The following NAA20 variants were observed in gnomAD, a reference collection of about 807,000 sequenced individuals.
NAA20 encodes the protein N-alpha-acetyltransferase 20.
A neutral mutation model predicts 23.8 loss-of-function variants in NAA20; 24 were observed. The ratio of observed to expected loss-of-function variants is 1.01; its 90% CI spans 0.73 to 1.42. The LOEUF is 1.42. Ranked by LOEUF, NAA20 falls within the 40% of genes most tolerant of loss-of-function variation. The probability of loss-of-function intolerance (pLI) is 0.00; values close to 1 mark genes in which losing one functional copy is unlikely to be tolerated. For synonymous variants in NAA20, 83 were observed against 77.7 expected (o/e 1.07, Z -0.36); for missense variants, 166 against 223.1 (o/e 0.74, Z 1.63).
At chr20:20,026,947 A>G in intron 4 of NAA20, 28 bp downstream of exon 4, 1 of 1,613,706 alleles carries the variant, frequency 6.2e-7, no homozygotes, top group Non-Finnish European at 8.5e-7. Context: ...AAATACACTT[A>G]GTGATTTGTG....
At chr20:20,028,819 A>G (rs1300440043) in intron 4 of NAA20, among the ~76,000 whole-genome samples, 4 of 152,220 alleles carry the variant, frequency 2.6e-5, no homozygotes, top group Non-Finnish European at 5.9e-5. Flanking sequence ...CAAAGAAGAG[A>G]AAAAGGAAAT....
intron 2 of NAA20, 50 bp downstream of exon 2, chr20:20,022,530 T>TA: frequency 6.9e-7 from 1 of 1,459,530 alleles, no homozygotes; most frequent in South Asian, 1.3e-5. Context: ...TTACTGAGAA[T>TA]AAAGAAAACA....
chr20:20,028,639 T>C (rs2043322430), intron 4 of NAA20, among the ~76,000 whole-genome samples: 1 of 152,192 alleles, frequency 6.6e-6, no homozygotes, highest in South Asian at 2.1e-4. Context: ...GTTGCTAAGA[T>C]TTAAGTAATC....
chr20:20,027,213 G>C (rs2043312505), intron 4 of NAA20, among the ~76,000 whole-genome samples: 1 of 152,206 alleles, frequency 6.6e-6, no homozygotes, highest in South Asian at 2.1e-4. Context: ...TCCTGCCACA[G>C]TGGCACACAT....
rs536822982 is a variant in NAA20, at chr20:20,030,359, A to ATTCCTAAAATCCAG, written c.306-2148_306-2147insTCCTAAAATCCAGT. 3.8e-3 allele frequency among the ~76,000 whole-genome samples: 581 copies of ATTCCTAAAATCCAG among 152,290 alleles called. 9 individuals are homozygous for ATTCCTAAAATCCAG. In the East Asian group the frequency reaches 0.05, roughly 13 times the overall value. ...AGTGCAGCAAACTTGATAAAATCCA[A>ATTCCTAAAATCCAG]TATTCCTTCCTGATAAAAACTGTTA... is the stretch of plus-strand genomic sequence containing the variant. On this transcript the variant is annotated intron_variant, in intron 4 of 5. Transcript: ENST00000334982.
intron 4 of NAA20, among the ~76,000 whole-genome samples, chr20:20,028,867 G>C (rs1187469977): frequency 2.0e-5 from 3 of 152,166 alleles, no homozygotes; most frequent in Non-Finnish European, 4.4e-5. Flanking sequence ...TAAAATGGTA[G>C]CCCAGAATCC....
At chr20:20,017,343 G>C (rs1457012153), upstream of NAA20, 11 of 1,605,682 alleles carry the variant, frequency 6.9e-6, no homozygotes, top group Non-Finnish European at 8.5e-7. Flanking sequence ...GGAGACTTCC[G>C]GCAGGGCGGG....
chr20:20,017,559 G>A, intron 1 of NAA20, 110 bp downstream of exon 1: 1 of 1,420,036 alleles, frequency 7.0e-7, no homozygotes, highest in Non-Finnish European at 9.3e-7. Context: ...GCCCGGACGG[G>A]GACCCGCGAG....
At chr20:20,029,581 C>T (rs1482511543) in intron 4 of NAA20, among the ~76,000 whole-genome samples, 1 of 148,394 alleles carries the variant, frequency 6.7e-6, no homozygotes, top group East Asian at 2.0e-4. Flanking sequence ...CACGCCATTG[C>T]ACTCCAGCCT....
At chr20:20,026,242 T>C (rs1028074424) in intron 3 of NAA20, among the ~76,000 whole-genome samples, 2 of 151,988 alleles carry the variant, frequency 1.3e-5, no homozygotes, top group Non-Finnish European at 2.9e-5. Context: ...GAGGCAGAAC[T>C]TGCAGTGGGC....
intron 1 of NAA20, among the ~76,000 whole-genome samples, chr20:20,019,481 G>T (rs931449091): frequency 3.3e-5 from 5 of 152,196 alleles, no homozygotes; most frequent in Admixed American, 2.6e-4. Context: ...ACATGGAAAT[G>T]AATAGAAAGA....
At chr20:20,025,466 T>C (rs910486645) in intron 2 of NAA20, among the ~76,000 whole-genome samples, 1 of 152,346 alleles carries the variant, frequency 6.6e-6, no homozygotes, top group East Asian at 1.9e-4. Flanking sequence ...GCTATCACCA[T>C]TCCACACTTG....
rs137885590 is a variant in NAA20, at chr20:20,027,128, CCG to C, written c.305+211_305+212del. 2.5e-3 allele frequency among the ~76,000 whole-genome samples: 377 copies of C among 152,206 alleles called. 1 individual carries two copies. The highest frequency in any genetic ancestry group is 8.0e-3 in the African/African-American group (333 of 41,518). On this transcript the variant is annotated intron_variant, in intron 4 of 5. Transcript: ENST00000334982. ...AATTAAGGCAAAGTGTTGTAGTGAC[CCG>C]CTATAGGCCTATAAGCTGAGGAATT... is the stretch of plus-strand genomic sequence containing the variant.
intron 2 of NAA20, 121 bp downstream of exon 2, chr20:20,022,601 C>T: frequency 1.3e-6 from 1 of 768,520 alleles, no homozygotes; most frequent in South Asian, 2.1e-5. Flanking sequence ...CAGGAAACAT[C>T]ATAAGCAACA....
chr20:20,023,666 G>A (rs1448952686), intron 2 of NAA20, among the ~76,000 whole-genome samples: 1 of 152,174 alleles, frequency 6.6e-6, no homozygotes, highest in Non-Finnish European at 1.5e-5. Context: ...CTGCTAACCG[G>A]TAATTTATCA....
At chr20:20,017,680 A>C in intron 1 of NAA20, 1 of 1,414,722 alleles carries the variant, frequency 7.1e-7, no homozygotes, top group Non-Finnish European at 9.2e-7. Context: ...CGAGGTGCTC[A>C]AACTTTGTCT....
chr20:20,018,095 T>G, intron 1 of NAA20: 1 of 1,613,518 alleles, frequency 6.2e-7, no homozygotes, highest in Non-Finnish European at 8.5e-7. Flanking sequence ...GTACACACCT[T>G]TCCTCTGTGA....
At chr20:20,026,304 CAAA>C (rs931325286) in intron 3 of NAA20, among the ~76,000 whole-genome samples, 2 of 120,768 alleles carry the variant, frequency 1.7e-5, no homozygotes, top group Admixed American at 8.4e-5. Context: ...GACTCTGTCT[CAAA>C]AAAAAAAAAA....
intron 2 of NAA20, among the ~76,000 whole-genome samples, chr20:20,025,418 A>G (rs2043300422): frequency 6.6e-6 from 1 of 152,172 alleles, no homozygotes; most frequent in Admixed American, 6.5e-5. Context: ...AGACTGTAGA[A>G]CTTTGGGGTC....
Sources: gnomAD v4.1 joint callset for allele counts (sites outside exome capture counted in the v4.1 genomes callset) on GRCh38, gnomAD v4.1.1 for gene constraint, MANE v1.5 for transcripts, NCBI Gene and HGNC (gene_info 2026-07-23, HGNC 2026-07-21) for gene names.